MYO1H: variants seen among roughly 807,000 people sequenced by gnomAD.
MYO1H encodes the protein unconventional myosin-Ih.
In MYO1H, 118 loss-of-function variants were observed where a neutral mutation model predicts 149.3. That is an observed-to-expected ratio of 0.79 (90% CI 0.68 to 0.92). MYO1H has a LOEUF of 0.92. Among genes scored for constraint, MYO1H ranks in the 40% least tolerant of loss-of-function variants. The pLI is 0.00. For synonymous variants in MYO1H, 447 were observed against 465.2 expected (o/e 0.96, Z 0.50); for missense variants, 1,212 against 1,280.7 (o/e 0.95, Z 0.82).
intron 1 of MYO1H, among the ~76,000 whole-genome samples, chr12:109,386,283 G>A (rs1015509353): frequency 3.3e-5 from 5 of 152,150 alleles, no homozygotes; most frequent in Non-Finnish European, 7.4e-5. Context: ...CCAGTTAGGG[G>A]CCGTTCTGAA....
exon 32 of MYO1H, chr12:109,447,333 A>G: frequency 1.4e-6 from 1 of 740,426 alleles, no homozygotes; most frequent in Non-Finnish European, 2.4e-6. Context: ...GAGGGGCGTT[A>G]GGCCAAAGCC....
chr12:109,338,244 T>C, the MYO1H span, among the ~76,000 whole-genome samples: 1 of 152,068 alleles, frequency 6.6e-6, no homozygotes, highest in Non-Finnish European at 1.5e-5. Context: ...TTTAAAACCA[T>C]TTAGAATACC....
chr12:109,319,186 G>A, the MYO1H span, among the ~76,000 whole-genome samples: 1 of 151,976 alleles, frequency 6.6e-6, no homozygotes, highest in East Asian at 1.9e-4. Context: ...CAACCCAACT[G>A]CCCATCAACA....
At chr12:109,443,806 G>A (rs187795994) in intron 28 of MYO1H, 157 bp downstream of exon 28, 4 of 764,108 alleles carry the variant, frequency 5.2e-6, no homozygotes, top group Non-Finnish European at 8.3e-6. Context: ...GGAAGGCTGA[G>A]GCAGGAGGAT....
the MYO1H span, among the ~76,000 whole-genome samples, chr12:109,331,588 G>T: frequency 3.8e-4 from 58 of 152,326 alleles, 1 homozygote; most frequent in South Asian, 2.1e-3. Flanking sequence ...GACCACCCTG[G>T]AAGGAGGACT....
intron 15 of MYO1H, among the ~76,000 whole-genome samples, chr12:109,417,787 A>G (rs1870989036): frequency 6.6e-6 from 1 of 151,728 alleles, no homozygotes. Context: ...TCTTTTGCCC[A>G]TGTTTTAAGA....
chr12:109,430,263 C>T (rs939580543), intron 19 of MYO1H, among the ~76,000 whole-genome samples: 1 of 152,130 alleles, frequency 6.6e-6, no homozygotes. Context: ...TTCACGGGAT[C>T]GAGCTGGAGA....
rs61742038 is a variant in MYO1H, at chr12:109,388,730, G to A, written c.60G>A (p.Ala20=). ...ACATCCGTCTGCACATGGAAGGGGC[G>A]CTGACTGCCCGGGACAAGGTCGGGG... Residue 20 remains alanine (A), a synonymous_variant, in exon 2 of 32, where the codon GCG becomes GCA. Coordinates refer to ENST00000310903, the Ensembl canonical transcript of MYO1H. 17,957 of 1,609,766 alleles carry A rather than the reference G, an allele frequency of 0.011. 1,677 individuals carry two copies. In the African/African-American group the frequency reaches 0.21, roughly 18 times the overall value.
intron 23 of MYO1H, chr12:109,439,415 T>C: frequency 2.2e-6 from 1 of 451,852 alleles, no homozygotes; most frequent in South Asian, 3.9e-5. Flanking sequence ...TCCTAACTTT[T>C]TAAAATTGGC....
chr12:109,354,618 T>TAAA (rs1555247905), intron 1 of MYO1H, among the ~76,000 whole-genome samples: 14 of 119,408 alleles, frequency 1.2e-4, no homozygotes, highest in African/African-American at 4.2e-4. Flanking sequence ...AGACTCTGTC[T>TAAA]AAAAAAAAAA....
At chr12:109,388,539 T>A (rs187622330) in intron 1 of MYO1H, 144 bp from the exon 2 acceptor site, 2 of 678,736 alleles carry the variant, frequency 2.9e-6, no homozygotes, top group Middle Eastern at 3.0e-4. Flanking sequence ...CCCAACCATA[T>A]TGTAAACTCT....
Position 109,416,379 on chromosome 12 carries a change from GT to G in MYO1H, c.1597+772del, listed in dbSNP as rs397968119. On this transcript the variant is annotated intron_variant, in intron 15 of 31. Coordinates refer to ENST00000310903, the Ensembl canonical transcript of MYO1H. ...TCTATAGATTTGACTGTTGTTGTTGGTTTTTTTTTTTTTGACATTTTTTATA... is the reference window on the plus strand; with the variant it reads ...TCTATAGATTTGACTGTTGTTGTTGGTTTTTTTTTTTTGACATTTTTTATA... Among the ~76,000 whole-genome samples, 167 of 143,088 alleles carry G rather than the reference GT, an allele frequency of 1.2e-3. 2 individuals carry two copies. The highest frequency in any genetic ancestry group is 2.6e-3 in the East Asian group (13 of 4,982). The allele number at this position is 143,088 out of a possible 152,430, so 93.9% of individuals were successfully genotyped here. A position where few individuals can be genotyped will look rare whatever the true frequency, so the allele number is the denominator to read the frequency against.
intron 14 of MYO1H, 41 bp downstream of exon 14, chr12:109,412,026 G>T (rs1327434032): frequency 1.5e-6 from 2 of 1,345,622 alleles, no homozygotes; most frequent in South Asian, 2.6e-5. Flanking sequence ...GGGGGAAGAT[G>T]ATTGTGTCTC....
chr12:109,436,473 C>T lies in MYO1H; in HGVS notation c.2141-15C>T. 6.2e-7 allele frequency: 1 copy of T among 1,601,398 alleles called. No homozygotes were observed. On this transcript the variant is annotated splice_polypyrimidine_tract_variant and intron_variant, in intron 21 of 31. Transcript: ENST00000310903. ...ATGCAAAGCCATTTCACCAAAACGT[C>T]TGTTTTATTTTAAGTTGCAAGAATC... is the stretch of plus-strand genomic sequence containing the variant.
At chr12:109,427,896 A>AT (rs1566038867) in intron 19 of MYO1H, among the ~76,000 whole-genome samples, 805 of 73,830 alleles carry the variant, frequency 0.011, 66 homozygotes, top group African/African-American at 0.046. Flanking sequence ...AAAAAAAAAA[A>AT]AAAAAAAAAA....
At chr12:109,344,603 T>C (rs7308529), upstream of MYO1H, among the ~76,000 whole-genome samples, 76,982 of 152,074 alleles carry the variant, frequency 0.51, 20,278 homozygotes, top group African/African-American at 0.63. Context: ...CAAAATACTA[T>C]CTGGCTTATT....
At chr12:109,336,830 A>C in the MYO1H span, among the ~76,000 whole-genome samples, 3 of 152,196 alleles carry the variant, frequency 2.0e-5, no homozygotes, top group African/African-American at 7.2e-5. Context: ...CCTGGGTCAC[A>C]TGCCCATTCC....
intron 1 of MYO1H, among the ~76,000 whole-genome samples, chr12:109,377,795 A>G (rs1398214389): frequency 6.6e-6 from 1 of 152,232 alleles, no homozygotes; most frequent in Non-Finnish European, 1.5e-5. Context: ...CATGCAACCA[A>G]TAAGCTTTGT....
At chr12:109,372,904 C>T (rs780714078) in intron 1 of MYO1H, among the ~76,000 whole-genome samples, 11 of 151,886 alleles carry the variant, frequency 7.2e-5, no homozygotes, top group Non-Finnish European at 1.3e-4. Context: ...TATATCTTTC[C>T]ATTTGTTTGA....
Sources: allele counts gnomAD v4.1 joint callset (sites outside exome capture counted in the v4.1 genomes callset), GRCh38; gene constraint gnomAD v4.1.1; transcripts MANE v1.5; gene names NCBI Gene and HGNC (gene_info 2026-07-23, HGNC 2026-07-21).